CCDC169: variants seen among roughly 807,000 people sequenced by gnomAD.
CCDC169 encodes coiled-coil domain containing 169.
CCDC169 carries 30 observed loss-of-function variants against 36.0 expected under a neutral mutation model. The observed-to-expected ratio is 0.83, with a 90% CI of 0.62 to 1.13. The LOEUF (loss-of-function observed/expected upper bound fraction) is 1.13, where lower values mean the gene tolerates loss of function less well. Among genes scored for constraint, CCDC169 ranks in the 50% most tolerant of loss-of-function variants. The pLI is 0.00. For synonymous variants in CCDC169, 85 were observed against 81.5 expected, an observed-to-expected ratio of 1.04 and a Z score of -0.23; for missense variants, 245 against 245.9, an observed-to-expected ratio of 1.00 and a Z score of 0.03.
chr13:36,294,684 C>T (rs1275893568), intron 2 of CCDC169, among the ~76,000 whole-genome samples: 3 of 151,988 alleles, frequency 2.0e-5, no homozygotes, highest in African/African-American at 7.3e-5. Context: ...AAATGAGCTC[C>T]CCGAGTAAGC....
intron 6 of CCDC169, 35 bp downstream of exon 6, chr13:36,253,768 G>A: frequency 6.5e-7 from 1 of 1,532,692 alleles, no homozygotes; most frequent in Non-Finnish European, 8.8e-7. Context: ...ACAGTAAGAA[G>A]AAACACTTAG....
chr13:36,281,174 G>A (rs779988604), intron 4 of CCDC169: 6 of 394,730 alleles, frequency 1.5e-5, no homozygotes, highest in African/African-American at 4.3e-5. Flanking sequence ...ACAAATGGAT[G>A]GCAGAGTAGA....
At chr13:36,258,463 A>T (rs1384872154) in intron 4 of CCDC169, among the ~76,000 whole-genome samples, 2 of 152,196 alleles carry the variant, frequency 1.3e-5, no homozygotes, top group Non-Finnish European at 2.9e-5. Flanking sequence ...GCAGTAAAGA[A>T]ATGGGGCAAA....
intron 4 of CCDC169, among the ~76,000 whole-genome samples, chr13:36,278,065 A>G (rs978921910): frequency 6.6e-6 from 1 of 152,190 alleles, no homozygotes; most frequent in African/African-American, 2.4e-5. Flanking sequence ...GTGAAAACAG[A>G]TTGCACATCT....
At position 36,230,918 on chromosome 13, in the gene CCDC169, G is replaced by T; in HGVS notation, c.*275C>A. ...ACGTTACTATCAGAGCAGATCATGG[G>T]TATATTATTGAAAGCAAGTGTAATG... On this transcript the variant is annotated 3_prime_UTR_variant, in exon 8 of 8. Transcript: ENST00000239859. The T allele has an allele frequency of 8.8e-7, 1 of 1,137,832 alleles. No homozygotes were observed. The highest frequency in any genetic ancestry group is 3.0e-5 in the South Asian group (1 of 33,188). 70.5% of individuals were successfully genotyped at this position (1,137,832 alleles called of 1,614,324 possible). A position where few individuals can be genotyped will look rare whatever the true frequency, so the allele number is the denominator to read the frequency against.
chr13:36,287,209 T>G (rs1205090900), intron 2 of CCDC169, among the ~76,000 whole-genome samples: 1 of 152,180 alleles, frequency 6.6e-6, no homozygotes, highest in Non-Finnish European at 1.5e-5. Context: ...CTGCTGTTAC[T>G]AAGCTGCTGG....
At chr13:36,235,058 A>G (rs1042735821) in intron 7 of CCDC169, among the ~76,000 whole-genome samples, 4 of 152,136 alleles carry the variant, frequency 2.6e-5, no homozygotes, top group African/African-American at 9.6e-5. Context: ...AATTTGTATG[A>G]CAATAACAGC....
At chr13:36,238,213 T>C (rs1184197691) in intron 7 of CCDC169, among the ~76,000 whole-genome samples, 1 of 152,202 alleles carries the variant, frequency 6.6e-6, no homozygotes, top group East Asian at 1.9e-4. Context: ...GTGGTGATGC[T>C]TGCATGACCC....
chr13:36,247,403 T>C (rs904873357), intron 7 of CCDC169, among the ~76,000 whole-genome samples: 8 of 152,192 alleles, frequency 5.3e-5, no homozygotes, highest in Non-Finnish European at 1.2e-4. Flanking sequence ...TAGATAGTGA[T>C]TCCTCTGATG....
At chr13:36,273,105 ATTTG>A (rs1876319242) in intron 4 of CCDC169, among the ~76,000 whole-genome samples, 1 of 152,124 alleles carries the variant, frequency 6.6e-6, no homozygotes, top group African/African-American at 2.4e-5. Flanking sequence ...GCCTTCCAAA[ATTTG>A]TTTAAATCAC....
chr13:36,268,375 T>G (rs28852719), intron 4 of CCDC169, among the ~76,000 whole-genome samples: 1 of 152,200 alleles, frequency 6.6e-6, no homozygotes, highest in Non-Finnish European at 1.5e-5. Flanking sequence ...GAATGATATC[T>G]GGGTTAACAA....
intron 6 of CCDC169, among the ~76,000 whole-genome samples, chr13:36,250,209 A>T (rs1039037528): frequency 4.6e-5 from 7 of 152,172 alleles, no homozygotes; most frequent in Non-Finnish European, 1.0e-4. Flanking sequence ...TATTCTAGGT[A>T]AAAGTAACAG....
intron 2 of CCDC169, among the ~76,000 whole-genome samples, chr13:36,290,015 C>T (rs563134721): frequency 1.3e-5 from 2 of 152,248 alleles, no homozygotes; most frequent in South Asian, 4.1e-4. Context: ...TCACCACCTC[C>T]AGCCCCTTAA....
At chr13:36,241,745 G>T (rs1025678402) in intron 7 of CCDC169, among the ~76,000 whole-genome samples, 3 of 151,992 alleles carry the variant, frequency 2.0e-5, no homozygotes, top group Non-Finnish European at 4.4e-5. Context: ...TACTGGAATT[G>T]TTGGGTTATA....
downstream of CCDC169, among the ~76,000 whole-genome samples, chr13:36,228,946 T>C (rs943923033): frequency 1.3e-5 from 2 of 152,222 alleles, no homozygotes; most frequent in African/African-American, 4.8e-5. Context: ...AAAGCAGTCA[T>C]TGCTTCTTTG....
At chr13:36,266,874 G>A (rs1014467511) in intron 4 of CCDC169, among the ~76,000 whole-genome samples, 16 of 152,186 alleles carry the variant, frequency 1.1e-4, no homozygotes, top group African/African-American at 3.4e-4. Context: ...TACATGGTGA[G>A]TGAGCCAGTT....
chr13:36,227,459 C>A (rs45549236), downstream of CCDC169: 215,890 of 1,366,122 alleles, frequency 0.16, 17,590 homozygotes, highest in African/African-American at 0.24. Flanking sequence ...ATATTCCAAC[C>A]AGTTTATTGT....
intron 4 of CCDC169, among the ~76,000 whole-genome samples, chr13:36,258,749 CG>C (rs1421906607): frequency 1.3e-5 from 2 of 151,994 alleles, no homozygotes; most frequent in African/African-American, 2.4e-5. Flanking sequence ...ACCAGCACCC[CG>C]GGGGCTGCTC....
chr13:36,252,720 AT>A, intron 6 of CCDC169, among the ~76,000 whole-genome samples: 1 of 152,096 alleles, frequency 6.6e-6, no homozygotes, highest in East Asian at 1.9e-4. Flanking sequence ...TAATTTTGAA[AT>A]TTTATATAAT....
Sources: allele counts gnomAD v4.1 joint callset (sites outside exome capture counted in the v4.1 genomes callset), GRCh38; gene constraint gnomAD v4.1.1; transcripts MANE v1.5; gene names NCBI Gene and HGNC (gene_info 2026-07-23, HGNC 2026-07-21).